Variants in ZNF254 observed in about 807,000 individuals in gnomAD.
ZNF254 encodes zinc finger protein 254.
In ZNF254, 10 loss-of-function variants were observed where a neutral mutation model predicts 12.4. The observed-to-expected ratio is 0.80, with a 90% confidence interval of 0.50 to 1.36. ZNF254 has a LOEUF of 1.36. Among genes scored for constraint, ZNF254 ranks in the 40% most tolerant of loss-of-function variants. The pLI is 0.00. For synonymous variants in ZNF254, 305 were observed against 253.4 expected, an observed-to-expected ratio of 1.20 and a Z score of -1.93; for missense variants, 996 against 763.9, an observed-to-expected ratio of 1.30 and a Z score of -3.58.
intron 3 of ZNF254, among the ~76,000 whole-genome samples, chr19:24,112,837 A>G (rs1180148725): frequency 1.3e-5 from 2 of 152,196 alleles, no homozygotes; most frequent in African/African-American, 4.8e-5. Context: ...ATAAAAAATG[A>G]TAAAGGGAAT....
intron 1 of ZNF254, among the ~76,000 whole-genome samples, chr19:24,041,837 A>G (rs1302442235): frequency 2.0e-5 from 3 of 152,276 alleles, no homozygotes; most frequent in South Asian, 2.1e-4. Context: ...AAATACACCA[A>G]TCAGCACCCT....
intron 3 of ZNF254, chr19:24,107,073 T>G: frequency 2.2e-6 from 1 of 451,754 alleles, no homozygotes; most frequent in Non-Finnish European, 3.9e-6. Flanking sequence ...GGTTTATTTT[T>G]CTGCACATTT....
At chr19:24,041,636 C>G (rs1736631252) in intron 1 of ZNF254, among the ~76,000 whole-genome samples, 2 of 152,240 alleles carry the variant, frequency 1.3e-5, no homozygotes, top group Non-Finnish European at 1.5e-5. Flanking sequence ...GCCTCCCCGA[C>G]GAGCACCACC....
At chr19:24,112,758 A>T (rs965074573) in intron 3 of ZNF254, among the ~76,000 whole-genome samples, 6 of 152,090 alleles carry the variant, frequency 3.9e-5, no homozygotes, top group Non-Finnish European at 5.9e-5. Context: ...TTTTGAAAGG[A>T]TCAACAAAAT....
intron 3 of ZNF254, among the ~76,000 whole-genome samples, chr19:24,122,831 C>T (rs1479252294): frequency 6.8e-6 from 1 of 148,020 alleles, no homozygotes; most frequent in Non-Finnish European, 1.5e-5. Flanking sequence ...ATGTAAATGA[C>T]TCCTTATATG....
At chr19:24,118,157 G>A (rs1170318386) in intron 3 of ZNF254, among the ~76,000 whole-genome samples, 6 of 151,230 alleles carry the variant, frequency 4.0e-5, no homozygotes, top group African/African-American at 1.5e-4. Flanking sequence ...GGTTTCAAGC[G>A]ATTCTCCTGT....
chr19:24,117,954 AATTTT>A (rs1974215186), intron 3 of ZNF254, among the ~76,000 whole-genome samples: 2 of 152,116 alleles, frequency 1.3e-5, no homozygotes, highest in South Asian at 2.1e-4. Flanking sequence ...TGTATTTGAT[AATTTT>A]ATTTTTAGTT....
At chr19:24,102,499 C>A (rs955885938) in intron 1 of ZNF254, among the ~76,000 whole-genome samples, 1 of 151,696 alleles carries the variant, frequency 6.6e-6, no homozygotes, top group African/African-American at 2.4e-5. Context: ...TGCTTCAGCC[C>A]TGTTTAGATT....
intron 2 of ZNF254, among the ~76,000 whole-genome samples, chr19:24,059,037 A>C (rs1970970600): frequency 1.3e-5 from 2 of 152,204 alleles, no homozygotes; most frequent in South Asian, 4.1e-4. Context: ...TTCCACCTGC[A>C]GCAAAGATTG....
intron 1 of ZNF254, among the ~76,000 whole-genome samples, chr19:24,092,413 A>G (rs1189178720): frequency 3.6e-5 from 5 of 138,754 alleles, no homozygotes; most frequent in African/African-American, 8.3e-5. Context: ...CAGGTGATCC[A>G]CCCTCCCCCC....
intron 3 of ZNF254, among the ~76,000 whole-genome samples, chr19:24,112,525 A>G (rs1485229323): frequency 6.7e-6 from 1 of 150,084 alleles, no homozygotes; most frequent in Non-Finnish European, 1.5e-5. Context: ...CATTGAATCT[A>G]TAAATTACCT....
At chr19:24,091,069 C>T (rs908673653) in intron 1 of ZNF254, among the ~76,000 whole-genome samples, 7 of 151,478 alleles carry the variant, frequency 4.6e-5, no homozygotes, top group African/African-American at 1.7e-4. Context: ...CTGCCTCAGC[C>T]TCCTGCGTAG....
chr19:24,123,728 G>T (rs867845844), intron 3 of ZNF254, among the ~76,000 whole-genome samples: 7 of 151,972 alleles, frequency 4.6e-5, no homozygotes, highest in African/African-American at 1.7e-4. Flanking sequence ...TAAATTTAAA[G>T]TACATTTTAT....
chr19:24,102,034 A>G (rs1023062603), intron 1 of ZNF254, among the ~76,000 whole-genome samples: 4 of 152,226 alleles, frequency 2.6e-5, no homozygotes, highest in Admixed American at 2.6e-4. Flanking sequence ...TTAGAAAAAT[A>G]GATGACGCAG....
chr19:24,053,202 A>G (rs1970713281), intron 2 of ZNF254, among the ~76,000 whole-genome samples: 1 of 152,192 alleles, frequency 6.6e-6, no homozygotes, highest in Admixed American at 6.5e-5. Flanking sequence ...CACACCTGTG[A>G]GTCAGTGACT....
chr19:24,070,845 A>G (rs936725299), intron 2 of ZNF254, among the ~76,000 whole-genome samples: 2 of 152,192 alleles, frequency 1.3e-5, no homozygotes, highest in African/African-American at 4.8e-5. Context: ...ACATTGTGAC[A>G]TATCACTGGT....
chr19:24,055,697 T>C (rs1284006095), intron 2 of ZNF254, among the ~76,000 whole-genome samples: 1 of 152,068 alleles, frequency 6.6e-6, no homozygotes, highest in Non-Finnish European at 1.5e-5. Flanking sequence ...GGTGGAAAAA[T>C]TGACTCTTAT....
intron 1 of ZNF254, among the ~76,000 whole-genome samples, chr19:24,095,483 TG>T (rs1972618673): frequency 6.6e-6 from 1 of 152,240 alleles, no homozygotes; most frequent in Admixed American, 6.5e-5. Flanking sequence ...TTTGTACATC[TG>T]ATAGAATTCA....
intron 2 of ZNF254, among the ~76,000 whole-genome samples, chr19:24,047,992 TTTC>T (rs1349529702): frequency 7.6e-5 from 11 of 145,386 alleles, no homozygotes; most frequent in Admixed American, 2.1e-4. Context: ...CGGCTCTTTT[TTTC>T]TTTTCTTCTT....
Sources: allele counts gnomAD v4.1 joint callset (sites outside exome capture counted in the v4.1 genomes callset), GRCh38; gene constraint gnomAD v4.1.1; transcripts MANE v1.5; gene names NCBI Gene and HGNC (gene_info 2026-07-23, HGNC 2026-07-21).